Variants in ASAH2 observed in about 807,000 individuals in gnomAD.
ASAH2 encodes neutral ceramidase.
A neutral mutation model predicts 82.9 loss-of-function variants in ASAH2; 58 were observed. The observed-to-expected ratio is 0.70, with a 90% CI of 0.57 to 0.87. The LOEUF is 0.87. Ranked by LOEUF, ASAH2 falls within the 40% of genes least tolerant of loss-of-function variation. The pLI, the probability that ASAH2 is intolerant of heterozygous loss-of-function variation, is 0.00. For synonymous variants in ASAH2, 276 were observed against 289.7 expected (o/e 0.95, Z 0.48); for missense variants, 779 against 834.0 (o/e 0.93, Z 0.81).
In ASAH2 at chr10:50,202,685, T is replaced by TTA. The variant is rs1487641701; in HGVS notation, c.1761+142_1761+143dup. 3.3e-3 allele frequency: 2,350 copies of TTA among 702,082 alleles called. 32 individuals carry two copies. The African/African-American group carries it at 0.035, about 11-fold the overall frequency. 43.5% of individuals were successfully genotyped at this position (702,082 alleles called of 1,614,324 possible). ...GAAACTCTTAAATACGGCCTCTGGC[T>TTA]TATCATCCTCTTACCTGTTATACCT... On this transcript the variant is annotated intron_variant, in intron 16 of 20. Transcript: ENST00000682911.
At chr10:50,233,323 T>C in intron 6 of ASAH2, 62 bp from the exon 7 acceptor site, 1 of 1,238,732 alleles carries the variant, frequency 8.1e-7, no homozygotes, top group Non-Finnish European at 1.2e-6. Context: ...TCATGTAAGA[T>C]GAACAGTAGC....
chr10:50,215,788 T>C (rs917457340), intron 8 of ASAH2, among the ~76,000 whole-genome samples: 7 of 152,160 alleles, frequency 4.6e-5, no homozygotes, highest in Admixed American at 6.5e-5. Context: ...AAATACCATC[T>C]AACCCAGCAA....
chr10:50,217,221 T>A lies in ASAH2; in HGVS notation c.1014+1289A>T. ...TCTTTGCACATCCTAGTTCCTCTTG[T>A]TTTCTTTCTTTTTTTTTTTTTTTTG... On this transcript the variant is annotated intron_variant, in intron 8 of 20. Coordinates refer to ENST00000682911, the MANE Select transcript of ASAH2 (RefSeq NM_019893.4). 1.6e-5 allele frequency among the ~76,000 whole-genome samples: 2 copies of A among 128,980 alleles called. 1 individual carries two copies. Among genetic ancestry groups the A allele is most frequent in the East Asian group, 4.5e-4 (2 of 4,400 alleles). The allele number at this position is 128,980 out of a possible 152,430, so 84.6% of individuals were successfully genotyped here. A position where few individuals can be genotyped will look rare whatever the true frequency, so the allele number is the denominator to read the frequency against.
rs1442720316 is a variant in ASAH2 at position 50,214,726 on chromosome 10, GT to G, written c.1140+16del. 3.1e-6 allele frequency: 5 copies of G among 1,613,162 alleles called. No individual in the cohort carries two copies. The African/African-American group carries it at 6.7e-5, about 22-fold the overall frequency. On this transcript the variant is annotated intron_variant, in intron 9 of 20. Transcript: ENST00000682911. ...TGAGATGCAAAAACAAAGATTTCAT[GT>G]GTCATAATTACCTACCCCACCAATG...
At chr10:50,214,638 A>G in intron 9 of ASAH2, 105 bp downstream of exon 9, 1 of 1,385,512 alleles carries the variant, frequency 7.2e-7, no homozygotes, top group Non-Finnish European at 1.0e-6. Context: ...GAACTAGGCC[A>G]GTGTATACTA....
chr10:50,202,924 C>G lies in ASAH2; in HGVS notation c.1666G>C (p.Glu556Gln). The G allele has an allele frequency of 6.2e-7, 1 of 1,600,696 alleles. No individual in the cohort carries two copies. Among genetic ancestry groups the G allele is most frequent in the Non-Finnish European group, 8.6e-7 (1 of 1,168,266 alleles). ...GRRLREAVQAEFASHGMQNMT... is the reference protein window; with the variant it reads ...GRRLREAVQAQFASHGMQNMT... ...TTCTGCATCCCATGAGATGCAAATT[C>G]CTAGGAGAGAAAGGTAAAACCCAAT... The change falls in exon 16 of 21, where the codon GAA becomes CAA. Residue 556 changes from glutamate (E) to glutamine (Q), a missense_variant and splice_region_variant. Coordinates refer to ENST00000682911, the MANE Select transcript of ASAH2 (RefSeq NM_019893.4).
intron 18 of ASAH2, among the ~76,000 whole-genome samples, chr10:50,193,258 C>G (rs1844888963): frequency 1.3e-5 from 2 of 151,510 alleles, no homozygotes; most frequent in African/African-American, 4.8e-5. Flanking sequence ...AAACAAGAAC[C>G]CTGTAATCCA....
chr10:50,244,598 C>T (rs530918215), intron 3 of ASAH2, among the ~76,000 whole-genome samples: 1 of 152,342 alleles, frequency 6.6e-6, no homozygotes, highest in East Asian at 1.9e-4. Context: ...ATAGCCAAGA[C>T]TAGCAGTCAA....
In ASAH2 at chr10:50,184,960, A is replaced by T. The variant is rs1185468806; in HGVS notation, c.*2355T>A. ...AAAATCTAGACCTGGAAAAGAGATT[A>T]TTCAGTGCTTTTCAAAGAAGTCAAA... is the stretch of plus-strand genomic sequence containing the variant. On this transcript the variant is annotated 3_prime_UTR_variant, in exon 21 of 21. Coordinates refer to ENST00000682911, the MANE Select transcript of ASAH2 (RefSeq NM_019893.4). 2.0e-5 allele frequency: 3 copies of T among 151,686 alleles called. No individual in the cohort carries two copies. The highest frequency in any genetic ancestry group is 4.8e-5 in the African/African-American group (2 of 41,366). The allele number at this position is 151,686 out of a possible 1,614,324, so 9.4% of individuals were successfully genotyped here.
chr10:50,241,187 C>G (rs1396937667), intron 4 of ASAH2, among the ~76,000 whole-genome samples: 5 of 152,196 alleles, frequency 3.3e-5, no homozygotes, highest in Non-Finnish European at 5.9e-5. Context: ...TTGCCATCAC[C>G]TTGATTGCCA....
chr10:50,245,325 G>A lies in ASAH2; in HGVS notation c.257C>T (p.Pro86Leu). The A allele has an allele frequency of 6.2e-7, 1 of 1,614,110 alleles. No individual in the cohort carries two copies. Among genetic ancestry groups the A allele is most frequent in the Non-Finnish European group, 8.5e-7 (1 of 1,179,998 alleles). ...AGGAGACTCTGGGGTTAAAGGCACT[G>A]GAGAAGTTTGAGTGGCTGTGGAGCT... ...TQSSTATQTS[P>L]VPLTPESPLF... The change falls in exon 3 of 21, where the codon CCA (proline) becomes CTA (leucine). Residue 86 changes from proline (P) to leucine (L), a missense_variant. This residue lies in a region of ASAH2 where 759 missense variants were observed against 755.2 expected (regional missense o/e 1.00). Transcript: ENST00000682911.
chr10:50,224,388 T>C (rs1452710554), intron 7 of ASAH2, among the ~76,000 whole-genome samples: 6 of 152,052 alleles, frequency 3.9e-5, no homozygotes, highest in South Asian at 4.2e-4. Flanking sequence ...TATATATATA[T>C]ACAAATATAT....
At chr10:50,245,729 C>A (rs568448388) in intron 2 of ASAH2, among the ~76,000 whole-genome samples, 1 of 152,306 alleles carries the variant, frequency 6.6e-6, no homozygotes, top group East Asian at 1.9e-4. Flanking sequence ...ACTGCCTTCA[C>A]TCAACACCCT....
At chr10:50,195,180 T>C (rs1247278598) in intron 18 of ASAH2, among the ~76,000 whole-genome samples, 4 of 151,382 alleles carry the variant, frequency 2.6e-5, no homozygotes, top group Middle Eastern at 6.8e-3. Flanking sequence ...TATAAGGTAC[T>C]CAAACAACTC....
intron 10 of ASAH2, 47 bp from the exon 11 acceptor site, chr10:50,211,181 A>AGTACAGTTGGAGATAC: frequency 7.5e-7 from 1 of 1,337,236 alleles, no homozygotes; most frequent in Non-Finnish European, 1.1e-6. Flanking sequence ...GGCTAAAGTG[A>AGTACAGTTGGAGATAC]TCATCTCCAA....
rs1844811408 is a variant in ASAH2, at chr10:50,188,491, AT to A, written c.2154-988del. ...GATGGGTTCAGTACTCTCAACAAAT[AT>A]TTGATTATTCTGCTGCTAATGAACA... is the stretch of plus-strand genomic sequence containing the variant. On this transcript the variant is annotated intron_variant, in intron 20 of 20. Coordinates refer to ENST00000682911, the MANE Select transcript of ASAH2 (RefSeq NM_019893.4). Among the ~76,000 whole-genome samples, 4 of 145,502 alleles carry A rather than the reference AT, an allele frequency of 2.7e-5. No homozygotes were observed. In the South Asian group the frequency reaches 8.7e-4, roughly 32 times the overall value.
intron 2 of ASAH2, among the ~76,000 whole-genome samples, chr10:50,247,566 G>A (rs975391629): frequency 3.3e-5 from 5 of 151,994 alleles, no homozygotes; most frequent in African/African-American, 4.8e-5. Flanking sequence ...TGTTTGCCAG[G>A]AATTCAAAGC....
chr10:50,208,556 T>C (rs1378977479), intron 12 of ASAH2, among the ~76,000 whole-genome samples: 1 of 149,710 alleles, frequency 6.7e-6, no homozygotes, highest in Non-Finnish European at 1.5e-5. Flanking sequence ...CCATTTACAA[T>C]AGCATAGAAA....
chr10:50,225,583 G>T (rs1431943120), intron 7 of ASAH2, among the ~76,000 whole-genome samples: 1 of 152,046 alleles, frequency 6.6e-6, no homozygotes, highest in East Asian at 1.9e-4. Flanking sequence ...CCTGTTACTT[G>T]GCAACAATTG....
Sources: allele counts gnomAD v4.1 joint callset (sites outside exome capture counted in the v4.1 genomes callset), GRCh38; gene constraint gnomAD v4.1.1; regional missense constraint gnomAD v4.1.1; transcripts MANE v1.5; gene names NCBI Gene and HGNC (gene_info 2026-07-23, HGNC 2026-07-21).